The following CHRM3 variants were observed in gnomAD, a reference collection of about 807,000 sequenced individuals.
CHRM3 encodes cholinergic receptor muscarinic 3, also known as muscarinic acetylcholine receptor M3.
Under a neutral mutation model 41.8 loss-of-function variants are expected in CHRM3, and 11 were observed. The ratio of observed to expected loss-of-function variants is 0.26; its 90% CI spans 0.17 to 0.44. The LOEUF (loss-of-function observed/expected upper bound fraction) is 0.44, where lower values mean the gene tolerates loss of function less well. Ranked by LOEUF, CHRM3 falls within the 20% of genes least tolerant of loss-of-function variation. The probability of loss-of-function intolerance (pLI) is 1.00; values close to 1 mark genes in which losing one functional copy is unlikely to be tolerated. For missense variants in CHRM3, 571 were observed against 745.4 expected (o/e 0.77, Z 2.72); for synonymous variants, 297 against 301.4 (o/e 0.99, Z 0.15).
intron 5 of CHRM3, among the ~76,000 whole-genome samples, chr1:239,726,456 C>A (rs1446215262): frequency 1.3e-5 from 2 of 151,626 alleles, no homozygotes; most frequent in African/African-American, 2.4e-5. Context: ...CTTGATTTAC[C>A]TTTGAAAAAA....
At chr1:239,706,952 G>A (rs1053932816) in intron 5 of CHRM3, 9 of 152,190 alleles carry the variant, frequency 5.9e-5, no homozygotes, top group African/African-American at 2.2e-4. Context: ...GGAAAAGTAG[G>A]AAAAGCAGAA....
At chr1:239,446,233 C>T (rs182133981) in intron 1 of CHRM3, among the ~76,000 whole-genome samples, 36 of 152,204 alleles carry the variant, frequency 2.4e-4, no homozygotes, top group Non-Finnish European at 4.1e-4. Context: ...CCATGCCTGG[C>T]CAGTGTGCAC....
intron 2 of CHRM3, 133 bp downstream of exon 2, chr1:239,492,940 C>T (rs1667648407): frequency 6.6e-6 from 1 of 152,190 alleles, no homozygotes; most frequent in Non-Finnish European, 1.5e-5. Flanking sequence ...AGAAGACTAA[C>T]ACTTCAATAT....
chr1:239,701,895 T>C (rs906282478), intron 5 of CHRM3, among the ~76,000 whole-genome samples: 6 of 152,208 alleles, frequency 3.9e-5, no homozygotes, highest in Non-Finnish European at 8.8e-5. Context: ...TATCTACTCT[T>C]TAAAGGCCAG....
chr1:239,570,819 G>A (rs375462176), intron 3 of CHRM3, among the ~76,000 whole-genome samples: 1 of 152,142 alleles, frequency 6.6e-6, no homozygotes, highest in East Asian at 1.9e-4. Context: ...ACCTTTACTA[G>A]ATGATCTGAA....
At chr1:239,536,076 C>T (rs1572636293) in intron 2 of CHRM3, among the ~76,000 whole-genome samples, 1 of 152,086 alleles carries the variant, frequency 6.6e-6, no homozygotes, top group African/African-American at 2.4e-5. Flanking sequence ...TCTAGGGAGG[C>T]GTCTTAAAGA....
intron 1 of CHRM3, among the ~76,000 whole-genome samples, chr1:239,479,330 T>C (rs76819732): frequency 0.02 from 3,005 of 151,852 alleles, 93 homozygotes; most frequent in African/African-American, 0.068. Flanking sequence ...ATAGTCGAAA[T>C]GCTATAACCA....
intron 3 of CHRM3, among the ~76,000 whole-genome samples, chr1:239,605,812 A>G (rs1410927463): frequency 2.0e-5 from 3 of 152,196 alleles, no homozygotes; most frequent in African/African-American, 4.8e-5. Context: ...AGTGGTAATG[A>G]AGGTTTTTCA....
At chr1:239,859,690 A>T (rs1675447536) in intron 6 of CHRM3, among the ~76,000 whole-genome samples, 1 of 151,602 alleles carries the variant, frequency 6.6e-6, no homozygotes, top group Non-Finnish European at 1.5e-5. Context: ...TGCTAGGATT[A>T]CAGGCGTGAG....
chr1:239,476,341 C>T (rs899431196), intron 1 of CHRM3, among the ~76,000 whole-genome samples: 4 of 151,946 alleles, frequency 2.6e-5, no homozygotes, highest in African/African-American at 9.7e-5. Flanking sequence ...TGGTGGGCGC[C>T]TGTAATCCCA....
chr1:239,640,479 G>A (rs367749944), intron 4 of CHRM3, among the ~76,000 whole-genome samples: 2 of 151,970 alleles, frequency 1.3e-5, no homozygotes, highest in Non-Finnish European at 2.9e-5. Flanking sequence ...CAACTTCTTC[G>A]TGGTTTAGTC....
rs534840116 is a variant in CHRM3, at chr1:239,387,283, G to A, written c.-521+56G>A. 15 of 152,074 alleles carry A rather than the reference G, an allele frequency of 9.9e-5. No homozygotes were observed. The highest frequency in any genetic ancestry group is 5.9e-4 in the East Asian group (3 of 5,120). 9.4% of individuals were successfully genotyped at this position (152,074 alleles called of 1,614,324 possible). ...GGCAGAGCGGGTGGCGGTAGCGGCT[G>A]ACCTGGTTTCTTGCCTTATCTCGTT... On this transcript the variant is annotated intron_variant, in intron 1 of 6. Transcript: ENST00000676153. The surrounding 1 kb of genome is among the most constrained non-coding windows in gnomAD (Gnocchi z 5.1).
rs1666091149 is a variant in CHRM3, at chr1:239,471,146, T to C, written c.-520-21563T>C. Among the ~76,000 whole-genome samples, 2 of 143,390 alleles carry C rather than the reference T, an allele frequency of 1.4e-5. 1 individual carries two copies. The highest frequency in any genetic ancestry group is 4.5e-4 in the South Asian group (2 of 4,418). The allele number at this position is 143,390 out of a possible 152,430, so 94.1% of individuals were successfully genotyped here. On this transcript the variant is annotated intron_variant, in intron 1 of 6. Transcript: ENST00000676153. Reference sequence around the variant, plus strand: ...AATGTTCATAAATTCTCTGTGTTAATTGAGATAATGAATCACTAATTTTCT... The same window carrying C: ...AATGTTCATAAATTCTCTGTGTTAACTGAGATAATGAATCACTAATTTTCT...
chr1:239,712,563 A>G (rs566338051), intron 5 of CHRM3, among the ~76,000 whole-genome samples: 3 of 152,156 alleles, frequency 2.0e-5, no homozygotes, highest in Non-Finnish European at 4.4e-5. Context: ...AAAATACTTT[A>G]CCTTTTAACC....
chr1:239,503,645 A>C (rs1489070832), intron 2 of CHRM3, among the ~76,000 whole-genome samples: 1 of 152,226 alleles, frequency 6.6e-6, no homozygotes, highest in African/African-American at 2.4e-5. Flanking sequence ...TGGAGACATC[A>C]CACTACCTGA....
chr1:239,692,071 A>G (rs890470938), intron 5 of CHRM3, among the ~76,000 whole-genome samples: 2 of 152,144 alleles, frequency 1.3e-5, no homozygotes, highest in African/African-American at 4.8e-5. Context: ...CTTCCTCCAT[A>G]TCTAAGAAAG....
intron 2 of CHRM3, among the ~76,000 whole-genome samples, chr1:239,497,591 T>C (rs947590216): frequency 5.9e-5 from 9 of 152,224 alleles, no homozygotes; most frequent in Non-Finnish European, 1.3e-4. Context: ...GGTTGAGAGA[T>C]CTGTACTCAC....
At position 239,589,477 on chromosome 1, in the gene CHRM3, C is replaced by CAT. The variant is rs1374139056; in HGVS notation, c.-312-42737_-312-42736dup. Among the ~76,000 whole-genome samples the CAT allele has an allele frequency of 3.3e-5, 5 of 149,716 alleles. No homozygotes were observed. In the South Asian group the frequency reaches 8.5e-4, roughly 25 times the overall value. On this transcript the variant is annotated intron_variant, in intron 3 of 6. Coordinates refer to ENST00000676153, the MANE Select transcript of CHRM3 (RefSeq NM_001375978.1). The stretch of plus-strand genomic sequence containing the variant: ...ATAAAACTATGTGTATACATAGTTT[C>CAT]ATATATATATAGTTTTATGTAATTT...
intron 1 of CHRM3, among the ~76,000 whole-genome samples, chr1:239,429,524 T>C (rs894963617): frequency 1.3e-5 from 2 of 152,166 alleles, no homozygotes; most frequent in South Asian, 2.1e-4. Flanking sequence ...GTGTAACATA[T>C]GCTATAAAAC....
Sources: allele counts gnomAD v4.1 joint callset (sites outside exome capture counted in the v4.1 genomes callset), GRCh38; gene constraint gnomAD v4.1.1; non-coding constraint Gnocchi (gnomAD v3.1); transcripts MANE v1.5; gene names NCBI Gene and HGNC (gene_info 2026-07-23, HGNC 2026-07-21).